Variants in MCHR2 observed in about 807,000 individuals in gnomAD.
MCHR2 encodes melanin concentrating hormone receptor 2.
Under a neutral mutation model 24.8 loss-of-function variants are expected in MCHR2, and 15 were observed. The ratio of observed to expected loss-of-function variants is 0.60; its 90% CI spans 0.40 to 0.93. The LOEUF is 0.93. Ranked by LOEUF, MCHR2 falls within the 40% of genes least tolerant of loss-of-function variation. The probability of loss-of-function intolerance (pLI) is 0.00; values close to 1 mark genes in which losing one functional copy is unlikely to be tolerated. For synonymous variants in MCHR2, 151 were observed against 147.6 expected (o/e 1.02, Z -0.17); for missense variants, 386 against 408.7 (o/e 0.94, Z 0.48).
intron 1 of MCHR2, among the ~76,000 whole-genome samples, chr6:99,969,551 A>AG (rs1775357548): frequency 2.0e-5 from 3 of 150,664 alleles, no homozygotes; most frequent in East Asian, 3.9e-4. Context: ...TGAGTAAAGC[A>AG]TTTTTTCTTT....
intron 5 of MCHR2, among the ~76,000 whole-genome samples, chr6:99,931,566 G>A (rs539544820): frequency 1.1e-3 from 160 of 152,170 alleles, no homozygotes; most frequent in African/African-American, 3.7e-3. Flanking sequence ...CCCCACCCTC[G>A]CTGCCGCCTT....
chr6:99,959,659 TAA>T (rs967555849), intron 1 of MCHR2, among the ~76,000 whole-genome samples: 3 of 84,182 alleles, frequency 3.6e-5, no homozygotes, highest in Admixed American at 1.2e-4. Context: ...ATAGAAAATA[TAA>T]AAAAGAACCA....
chr6:99,990,264 G>A (rs192178316), intron 1 of MCHR2, among the ~76,000 whole-genome samples: 1 of 152,136 alleles, frequency 6.6e-6, no homozygotes, highest in Non-Finnish European at 1.5e-5. Context: ...CATAGCAAAA[G>A]CTTTGCCAAT....
intron 1 of MCHR2, among the ~76,000 whole-genome samples, chr6:99,965,631 A>G (rs1775283100): frequency 6.6e-6 from 1 of 152,196 alleles, no homozygotes; most frequent in Non-Finnish European, 1.5e-5. Context: ...TTGTAATTAC[A>G]AAATGTAAAA....
chr6:99,931,166 C>T (rs1046024006), intron 5 of MCHR2, among the ~76,000 whole-genome samples: 7 of 152,128 alleles, frequency 4.6e-5, no homozygotes, highest in Non-Finnish European at 7.3e-5. Context: ...TCGTGAACCG[C>T]GAATGCTGCT....
Position 99,953,968 on chromosome 6 carries a change from C to T in MCHR2, c.182+1998G>A, listed in dbSNP as rs1013500394. 7.9e-5 allele frequency among the ~76,000 whole-genome samples: 12 copies of T among 152,048 alleles called. 1 individual carries two copies. In the East Asian group the frequency reaches 2.3e-3, roughly 29 times the overall value. Reference sequence around the variant, plus strand: ...GCGAAACTGAAGGTTTGAGAGAGGGCTGGCTGATGAGACGCCACCTGGGGA... The same window carrying T: ...GCGAAACTGAAGGTTTGAGAGAGGGTTGGCTGATGAGACGCCACCTGGGGA... On this transcript the variant is annotated intron_variant, in intron 2 of 5. Coordinates refer to ENST00000281806, the MANE Select transcript of MCHR2 (RefSeq NM_001040179.2).
At chr6:99,952,815 T>G (rs1774990667) in intron 2 of MCHR2, among the ~76,000 whole-genome samples, 1 of 152,156 alleles carries the variant, frequency 6.6e-6, no homozygotes, top group South Asian at 2.1e-4. Context: ...AAATTAAAAC[T>G]GTTGTTTTAA....
rs1358163682 is a variant in MCHR2, at chr6:99,920,969, T to C, written c.994A>G (p.Met332Val). 1 of 1,614,170 alleles carries C rather than the reference T, an allele frequency of 6.2e-7. No individual in the cohort carries two copies. Reference protein sequence around the residue: ...RRATEKEINNMGNTLKSHF With the variant: ...RRATEKEINNVGNTLKSHF ...AAGTGTGATTTCAGAGTGTTTCCCA[T>C]ATTGTTGATTTCCTTCTCAGTCGCT... The change falls in exon 6 of 6, where the codon ATG becomes GTG. Residue 332 changes from methionine to valine, a missense_variant. By Grantham distance (21) the Met-to-Val change is conservative. Transcript: ENST00000281806.
intron 4 of MCHR2, among the ~76,000 whole-genome samples, chr6:99,936,495 T>C (rs1471730653): frequency 1.3e-5 from 2 of 151,900 alleles, no homozygotes; most frequent in Non-Finnish European, 2.9e-5. Flanking sequence ...TGAAGATGAG[T>C]TGGCTATAAA....
intron 1 of MCHR2, among the ~76,000 whole-genome samples, chr6:99,975,521 C>T (rs987088089): frequency 6.6e-6 from 1 of 152,224 alleles, no homozygotes; most frequent in Non-Finnish European, 1.5e-5. Flanking sequence ...CTTGCGCTTC[C>T]CAAGTGAGGC....
chr6:99,918,686 A>G lies in MCHR2; in HGVS notation c.*2254T>C, dbSNP rs1774165267. On this transcript the variant is annotated 3_prime_UTR_variant, in exon 6 of 6. Coordinates refer to ENST00000281806, the MANE Select transcript of MCHR2 (RefSeq NM_001040179.2). Reference sequence around the variant, plus strand: ...ACATGTATACATATCATGGCCAAACATAGAAAACACACAAAGAATCTCTAT... The same window carrying G: ...ACATGTATACATATCATGGCCAAACGTAGAAAACACACAAAGAATCTCTAT... Among the ~76,000 whole-genome samples the G allele has an allele frequency of 6.6e-6, 1 of 152,228 alleles. No individual in the cohort carries two copies. Among genetic ancestry groups the G allele is most frequent in the Admixed American group, 6.5e-5 (1 of 15,286 alleles).
Position 99,947,667 on chromosome 6 carries a change from G to A in MCHR2, c.392+95C>T, listed in dbSNP as rs1361111536. The A allele has an allele frequency of 1.9e-5, 24 of 1,290,244 alleles. No individual in the cohort carries two copies. The East Asian group carries it at 3.5e-4, about 19-fold the overall frequency. The allele number at this position is 1,290,244 out of a possible 1,614,324, so 79.9% of individuals were successfully genotyped here. ...GAAACAAAGGAAGAAAACCTCTGCT[G>A]TTATAAACCAAAACTGGTGTTGGAA... On this transcript the variant is annotated intron_variant, in intron 3 of 5. Coordinates refer to ENST00000281806, the MANE Select transcript of MCHR2 (RefSeq NM_001040179.2).
At chr6:99,975,718 G>A (rs556948475) in intron 1 of MCHR2, among the ~76,000 whole-genome samples, 2 of 152,264 alleles carry the variant, frequency 1.3e-5, no homozygotes, top group African/African-American at 2.4e-5. Flanking sequence ...CTTGGCTCCT[G>A]AGTAAAGTCG....
intron 2 of MCHR2, among the ~76,000 whole-genome samples, chr6:99,948,441 C>A (rs1431949487): frequency 6.6e-6 from 1 of 152,084 alleles, no homozygotes; most frequent in Non-Finnish European, 1.5e-5. Context: ...GGTTAACAAC[C>A]AGTCAGCACC....
chr6:99,969,986 A>G (rs1775370971), intron 1 of MCHR2, among the ~76,000 whole-genome samples: 1 of 3,702 alleles, frequency 2.7e-4, no homozygotes, highest in African/African-American at 2.9e-4. Flanking sequence ...GTTGGTTCCA[A>G]GTCTGCTATT....
chr6:99,960,385 T>A (rs1245780100), intron 1 of MCHR2, among the ~76,000 whole-genome samples: 1 of 152,122 alleles, frequency 6.6e-6, no homozygotes, highest in African/African-American at 2.4e-5. Context: ...AGAATCAATA[T>A]GGTGAAAATG....
intron 1 of MCHR2, among the ~76,000 whole-genome samples, chr6:99,982,181 T>C (rs1233731262): frequency 6.6e-6 from 1 of 152,056 alleles, no homozygotes; most frequent in Non-Finnish European, 1.5e-5. Context: ...ATGGCGGCCT[T>C]GTCTCCCACT....
intron 1 of MCHR2, among the ~76,000 whole-genome samples, chr6:99,968,250 C>T (rs1775330831): frequency 6.6e-6 from 1 of 152,038 alleles, no homozygotes; most frequent in South Asian, 2.1e-4. Context: ...AGTTGTTAGT[C>T]CTTAATCTAC....
At chr6:99,942,009 CA>C (rs1774780543) in intron 4 of MCHR2, among the ~76,000 whole-genome samples, 1 of 152,242 alleles carries the variant, frequency 6.6e-6, no homozygotes, top group East Asian at 1.9e-4. Context: ...AAATATCTAA[CA>C]CAGTTATTGG....
Sources: gnomAD v4.1 joint callset for allele counts (sites outside exome capture counted in the v4.1 genomes callset) on GRCh38, gnomAD v4.1.1 for gene constraint, MANE v1.5 for transcripts, NCBI Gene and HGNC (gene_info 2026-07-23, HGNC 2026-07-21) for gene names.